Variants in ROR1 observed in about 807,000 individuals in gnomAD.
ROR1 encodes inactive tyrosine-protein kinase transmembrane receptor ROR1.
A neutral mutation model predicts 78.8 loss-of-function variants in ROR1; 19 were observed. The observed-to-expected ratio is 0.24, with a 90% confidence interval of 0.17 to 0.35. The LOEUF is 0.35. Among genes scored for constraint, ROR1 ranks in the 10% least tolerant of loss-of-function variants. ROR1 has a pLI of 1.00. For synonymous variants in ROR1, 386 were observed against 433.6 expected (o/e 0.89, Z 1.36); for missense variants, 917 against 1,177.8 (o/e 0.78, Z 3.24).
intron 4 of ROR1, among the ~76,000 whole-genome samples, chr1:64,129,828 C>T (rs1309019694): frequency 7.9e-5 from 12 of 152,094 alleles, no homozygotes; most frequent in Non-Finnish European, 1.6e-4. Flanking sequence ...GAGATACAAG[C>T]CTGGGTAATT....
At chr1:63,947,300 C>T (rs1645898107) in intron 1 of ROR1, among the ~76,000 whole-genome samples, 1 of 152,182 alleles carries the variant, frequency 6.6e-6, no homozygotes, top group South Asian at 2.1e-4. Context: ...TATGCATTAC[C>T]ATCTATGCTA....
intron 8 of ROR1, 53 bp downstream of exon 8, chr1:64,159,245 A>G (rs1202706968): frequency 1.4e-5 from 19 of 1,336,018 alleles, no homozygotes; most frequent in Non-Finnish European, 1.9e-5. Context: ...AAGTTAAAGC[A>G]CCATGTTATA....
At position 63,979,675 on chromosome 1, in the gene ROR1, T is replaced by A. The variant is rs957175866; in HGVS notation, c.92-29630T>A. Among the ~76,000 whole-genome samples the A allele has an allele frequency of 2.0e-5, 3 of 152,052 alleles. No homozygotes were observed. The East Asian group carries it at 5.8e-4, about 29-fold the overall frequency. ...TGGGCATGGGGCTCTGGGTGATGTG[T>A]CTGTAGAGATCAGCCTTAGGGGCAC... On this transcript the variant is annotated intron_variant, in intron 1 of 8. Transcript: ENST00000371079.
intron 1 of ROR1, among the ~76,000 whole-genome samples, chr1:63,985,347 A>G (rs914722369): frequency 2.0e-4 from 31 of 152,156 alleles, no homozygotes; most frequent in Non-Finnish European, 3.5e-4. Flanking sequence ...TGCCTCAGAC[A>G]TTGTTTTGTC....
chr1:64,141,981 G>A (rs910250241), intron 6 of ROR1, among the ~76,000 whole-genome samples: 1 of 152,048 alleles, frequency 6.6e-6, no homozygotes, highest in African/African-American at 2.4e-5. Flanking sequence ...AGCATGTTCT[G>A]TGAATTACAA....
rs555874107 is a variant in ROR1 at position 64,163,827 on chromosome 1, G to A, written c.1386+4635G>A. Among the ~76,000 whole-genome samples the A allele has an allele frequency of 2.0e-5, 3 of 152,212 alleles. No homozygotes were observed. In the East Asian group the frequency reaches 5.8e-4, roughly 29 times the overall value. On this transcript the variant is annotated intron_variant, in intron 8 of 8. Coordinates refer to ENST00000371079, the MANE Select transcript of ROR1 (RefSeq NM_005012.4). ...TTTTAATTTGCTGTTCTTACCAAAT[G>A]TCACCACACTTCATGCTAAAATATC...
intron 1 of ROR1, among the ~76,000 whole-genome samples, chr1:63,787,755 GC>G (rs887182162): frequency 1.1e-4 from 16 of 152,084 alleles, no homozygotes; most frequent in Middle Eastern, 3.2e-3. Context: ...CAAAATCCTG[GC>G]CTCAAGTGAT....
chr1:63,894,375 A>G (rs1645423321), intron 1 of ROR1, among the ~76,000 whole-genome samples: 1 of 152,194 alleles, frequency 6.6e-6, no homozygotes, highest in African/African-American at 2.4e-5. Context: ...GGAGACTACT[A>G]TATTCTAAAA....
intron 4 of ROR1, among the ~76,000 whole-genome samples, chr1:64,133,323 A>G (rs1374687922): frequency 6.6e-6 from 1 of 152,182 alleles, no homozygotes; most frequent in Non-Finnish European, 1.5e-5. Flanking sequence ...AGGAAGCTGG[A>G]AAAACTGGCA....
chr1:63,984,488 G>A (rs1266144753), intron 1 of ROR1, among the ~76,000 whole-genome samples: 3 of 152,156 alleles, frequency 2.0e-5, no homozygotes, highest in Non-Finnish European at 4.4e-5. Flanking sequence ...TTGTGGCTCA[G>A]GCAGGGAAAT....
chr1:63,936,417 T>TG (rs1012140187), intron 1 of ROR1, among the ~76,000 whole-genome samples: 5 of 152,148 alleles, frequency 3.3e-5, no homozygotes, highest in Non-Finnish European at 5.9e-5. Context: ...ATGCATGCTT[T>TG]GGGGGGAATA....
intron 4 of ROR1, among the ~76,000 whole-genome samples, chr1:64,078,686 C>T (rs1306566570): frequency 6.6e-6 from 1 of 152,036 alleles, no homozygotes; most frequent in Non-Finnish European, 1.5e-5. Flanking sequence ...AGAAGAGAAC[C>T]AAAGACATAG....
At chr1:63,908,127 T>A (rs1415307528) in intron 1 of ROR1, among the ~76,000 whole-genome samples, 1 of 152,140 alleles carries the variant, frequency 6.6e-6, no homozygotes, top group Non-Finnish European at 1.5e-5. Flanking sequence ...TCACCCCCAA[T>A]TCACAGATAA....
In ROR1 at chr1:63,877,809, G is replaced by A. The variant is rs112041604; in HGVS notation, c.91+103301G>A. ...ACATTTTGGGGGGGAAACAGTGAAT[G>A]AATGAGACTGGTCCCATTTGATGTA... is the stretch of plus-strand genomic sequence containing the variant. On this transcript the variant is annotated intron_variant, in intron 1 of 8. Transcript: ENST00000371079. Among the ~76,000 whole-genome samples the A allele has an allele frequency of 5.7e-3, 861 of 152,274 alleles. 9 individuals are homozygous for A. The highest frequency in any genetic ancestry group is 0.02 in the African/African-American group (827 of 41,556).
rs80293658 is a variant in ROR1 at position 64,115,075 on chromosome 1, C to G, written c.483-22294C>G. On this transcript the variant is annotated intron_variant, in intron 4 of 8. Transcript: ENST00000371079. ...TACCTCTTGGACTCAAGCAATCCCC[C>G]TACCTCAGCCTCCCGAGTAGCTGGG... Among the ~76,000 whole-genome samples, 573 of 152,126 alleles carry G rather than the reference C, an allele frequency of 3.8e-3. 3 individuals carry two copies. Among genetic ancestry groups the G allele is most frequent in the Non-Finnish European group, 6.7e-3 (455 of 67,976 alleles).
chr1:63,821,968 G>C (rs1644926411), intron 1 of ROR1, among the ~76,000 whole-genome samples: 1 of 152,156 alleles, frequency 6.6e-6, no homozygotes, highest in African/African-American at 2.4e-5. Flanking sequence ...TTGCACACTG[G>C]ACAGCTTCAT....
intron 4 of ROR1, among the ~76,000 whole-genome samples, chr1:64,120,062 T>C (rs1648471842): frequency 6.6e-6 from 1 of 152,246 alleles, no homozygotes. Flanking sequence ...CAAAACCTTT[T>C]GGTGGTTCTC....
intron 1 of ROR1, among the ~76,000 whole-genome samples, chr1:63,815,107 A>C (rs1437312060): frequency 6.6e-6 from 1 of 152,130 alleles, no homozygotes; most frequent in Non-Finnish European, 1.5e-5. Context: ...TGTTTTTGCA[A>C]ATGCACTATG....
chr1:63,918,568 A>C (rs1347493087), intron 1 of ROR1, among the ~76,000 whole-genome samples: 1 of 152,212 alleles, frequency 6.6e-6, no homozygotes. Context: ...CCATTTGGGG[A>C]AAGTTAATAT....
Sources: allele counts gnomAD v4.1 joint callset (sites outside exome capture counted in the v4.1 genomes callset), GRCh38; gene constraint gnomAD v4.1.1; transcripts MANE v1.5; gene names NCBI Gene and HGNC (gene_info 2026-07-23, HGNC 2026-07-21).